ZCCHC8: variants seen among roughly 807,000 people sequenced by gnomAD.
The protein encoded by ZCCHC8 is zinc finger CCHC-type containing 8.
In ZCCHC8, 27 loss-of-function variants were observed where a neutral mutation model predicts 70.6. The ratio of observed to expected loss-of-function variants is 0.38; its 90% confidence interval spans 0.28 to 0.53. The LOEUF (loss-of-function observed/expected upper bound fraction) is 0.53, where lower values mean the gene tolerates loss of function less well. Ranked by LOEUF, ZCCHC8 falls within the 20% of genes least tolerant of loss-of-function variation. The pLI is 0.81. For synonymous variants in ZCCHC8, 293 were observed against 317.4 expected, an observed-to-expected ratio of 0.92 and a Z score of 0.82; for missense variants, 737 against 876.9, an observed-to-expected ratio of 0.84 and a Z score of 2.01.
intron 3 of ZCCHC8, chr12:122,491,969 C>T (rs1408380448): frequency 6.6e-6 from 1 of 152,178 alleles, no homozygotes; most frequent in Non-Finnish European, 1.5e-5. Flanking sequence ...GTGCCCAGCA[C>T]CTTGCTGCTG....
chr12:122,494,494 A>G (rs1446873646), intron 2 of ZCCHC8, among the ~76,000 whole-genome samples: 2 of 150,342 alleles, frequency 1.3e-5, no homozygotes. Flanking sequence ...CAGGAGGTGG[A>G]GGTTGCAGTG....
chr12:122,486,042 A>G (rs1026672395), intron 5 of ZCCHC8, among the ~76,000 whole-genome samples: 1 of 152,182 alleles, frequency 6.6e-6, no homozygotes. Flanking sequence ...GTTGAATACA[A>G]TAACTTCCTA....
intron 5 of ZCCHC8, among the ~76,000 whole-genome samples, chr12:122,489,076 C>G (rs1404527946): frequency 2.0e-5 from 3 of 152,314 alleles, no homozygotes; most frequent in East Asian, 3.9e-4. Flanking sequence ...CTATCCCTCT[C>G]AGCTTTAGCC....
intron 3 of ZCCHC8, among the ~76,000 whole-genome samples, chr12:122,492,412 C>T (rs1441607706): frequency 6.6e-6 from 1 of 152,142 alleles, no homozygotes; most frequent in Non-Finnish European, 1.5e-5. Context: ...CTTAGAGGTG[C>T]TCATGTAGCT....
At position 122,489,401 on chromosome 12, in the gene ZCCHC8, G is replaced by A; in HGVS notation, c.486C>T (p.Asn162=). Residue 162 remains asparagine, a synonymous_variant, in exon 5 of 14, where the codon AAC becomes AAT. Coordinates refer to ENST00000633063, the MANE Select transcript of ZCCHC8 (RefSeq NM_017612.5). The stretch of plus-strand genomic sequence containing the variant: ...CCAAACTTACACTGAAAGCTTCCTT[G>A]TTGTTTTTAATGGCACAGGACTCTT... ...KVEESCAIKN[N]KEAFSVVGSV... 6.2e-7 allele frequency: 1 copy of A among 1,613,570 alleles called. No homozygotes were observed. The highest frequency in any genetic ancestry group is 8.5e-7 in the Non-Finnish European group (1 of 1,179,686).
At chr12:122,481,309 C>T in intron 10 of ZCCHC8, 2 of 518,296 alleles carry the variant, frequency 3.9e-6, no homozygotes, top group Non-Finnish European at 3.2e-6. Context: ...CTAGACAGTA[C>T]CTGAGCAAGC....
chr12:122,484,637 C>T (rs368816204), intron 5 of ZCCHC8, among the ~76,000 whole-genome samples: 124 of 152,002 alleles, frequency 8.2e-4, no homozygotes, highest in African/African-American at 2.8e-3. Flanking sequence ...AAGCAATCCT[C>T]CCGCCTCAGC....
At chr12:122,489,237 T>C (rs2137354508) in intron 5 of ZCCHC8, 149 bp downstream of exon 5, 9 of 632,638 alleles carry the variant, frequency 1.4e-5, no homozygotes, top group Middle Eastern at 5.3e-4. Context: ...AAACTGAGGC[T>C]AAAGTCCAAA....
intron 5 of ZCCHC8, chr12:122,484,095 T>G (rs1957589580): frequency 6.5e-6 from 1 of 153,622 alleles, no homozygotes; most frequent in African/African-American, 2.4e-5. Context: ...CACACACACA[T>G]ACACTTTTTT....
In ZCCHC8 at chr12:122,477,890, C is replaced by T. The variant is rs1957451283; in HGVS notation, c.1296G>A (p.Lys432=). The change falls in exon 13 of 14, where the codon AAG becomes AAA. Residue 432 remains lysine, a synonymous_variant. Transcript: ENST00000633063. ...GAGATCCCGCTGAGTTGCTTTCATT[C>T]TTCTGCTTCTTTGGACTACCTGGGC... ...HSSPGSPKKQ[K]NESNSAGSPA... The T allele has an allele frequency of 6.2e-7, 1 of 1,613,124 alleles. No homozygotes were observed. Among genetic ancestry groups the T allele is most frequent in the Non-Finnish European group, 8.5e-7 (1 of 1,179,560 alleles).
At chr12:122,480,636 T>C (rs1411184172) in intron 10 of ZCCHC8, 1 of 171,920 alleles carries the variant, frequency 5.8e-6, no homozygotes, top group African/African-American at 2.4e-5. Context: ...CACACCAGGG[T>C]AGGCTGTGTA....
chr12:122,472,010 TTTTTAAC>T lies in ZCCHC8; in HGVS notation c.*1480_*1486del, dbSNP rs1241720743. The T allele has an allele frequency of 1.3e-5, 2 of 152,178 alleles. No homozygotes were observed. The highest frequency in any genetic ancestry group is 1.9e-4 in the East Asian group (1 of 5,202). The allele number at this position is 152,178 out of a possible 1,614,324, so 9.4% of individuals were successfully genotyped here. A position where few individuals can be genotyped will look rare whatever the true frequency, so the allele number is the denominator to read the frequency against. ...CAGTATGTTTATGTTTAATTTTTAA[TTTTTAAC>T]TATTAGGGTTCAAATCTAGAAAATT... On this transcript the variant is annotated 3_prime_UTR_variant, in exon 14 of 14. Transcript: ENST00000633063.
chr12:122,488,324 G>A (rs1036309902), intron 5 of ZCCHC8, among the ~76,000 whole-genome samples: 3 of 151,624 alleles, frequency 2.0e-5, no homozygotes, highest in Non-Finnish European at 4.4e-5. Flanking sequence ...GAGCCACTTC[G>A]CCCAGCCACA....
rs1957897785 is a variant in ZCCHC8, at chr12:122,500,164, C to T, written c.199+478G>A. On this transcript the variant is annotated intron_variant, in intron 1 of 13. Coordinates refer to ENST00000633063, the MANE Select transcript of ZCCHC8 (RefSeq NM_017612.5). This position sits in a 1 kb window ranked among gnomAD's most constrained non-coding sequence, Gnocchi z 4.8. ...TCAGCACACCCGGATTCCTTGAGGC[C>T]CCCAACTCTGCATTCTGGGACCACT... 3 of 159,436 alleles carry T rather than the reference C, an allele frequency of 1.9e-5. No homozygotes were observed. 9.9% of individuals were successfully genotyped at this position (159,436 alleles called of 1,614,324 possible).
chr12:122,477,585 C>A (rs1214924436), intron 13 of ZCCHC8, among the ~76,000 whole-genome samples: 1 of 148,296 alleles, frequency 6.7e-6, no homozygotes, highest in Non-Finnish European at 1.5e-5. Flanking sequence ...GAGTTCGAGA[C>A]CAGCCTGGTC....
intron 2 of ZCCHC8, among the ~76,000 whole-genome samples, chr12:122,498,578 G>A (rs1470152255): frequency 6.6e-6 from 1 of 152,120 alleles, no homozygotes; most frequent in Non-Finnish European, 1.5e-5. Context: ...TGAACATTAA[G>A]TAAACATTTT....
rs1324514070 is a variant in ZCCHC8, at chr12:122,473,590, A to G, written c.2031T>C (p.Asn677=). ...ATGITPFEFE[N]MAESTGMYLR... ...GGTACATTCCAGTAGATTCTGCCAT[A>G]TTCTCAAATTCAAATGGCGTGATTC... Residue 677 remains asparagine, a synonymous_variant, in exon 14 of 14, where the codon AAT becomes AAC. Coordinates refer to ENST00000633063, the MANE Select transcript of ZCCHC8 (RefSeq NM_017612.5). The G allele has an allele frequency of 6.2e-7, 1 of 1,613,968 alleles. No individual in the cohort carries two copies.
chr12:122,500,442 AG>A lies in ZCCHC8; in HGVS notation c.199+199del. 2 of 668,296 alleles carry A rather than the reference AG, an allele frequency of 3.0e-6. No individual in the cohort carries two copies. Among genetic ancestry groups the A allele is most frequent in the Non-Finnish European group, 4.9e-6 (2 of 406,426 alleles). The allele number at this position is 668,296 out of a possible 1,614,324, so 41.4% of individuals were successfully genotyped here. On this transcript the variant is annotated intron_variant, in intron 1 of 13. Transcript: ENST00000633063. This position sits in a 1 kb window ranked among gnomAD's most constrained non-coding sequence, Gnocchi z 4.8. The stretch of plus-strand genomic sequence containing the variant: ...AGGAGACGGCCTCCCTGAGGGGAAG[AG>A]GTCTGCGCCGAGGCAGCCTGCGCGC...
intron 13 of ZCCHC8, among the ~76,000 whole-genome samples, chr12:122,474,574 G>A (rs1375011360): frequency 6.6e-6 from 1 of 152,112 alleles, no homozygotes; most frequent in Non-Finnish European, 1.5e-5. Context: ...ATTGCATGGA[G>A]ACTTCAGAAT....
Sources: gnomAD v4.1 joint callset for allele counts (sites outside exome capture counted in the v4.1 genomes callset) on GRCh38, gnomAD v4.1.1 for gene constraint, Gnocchi (gnomAD v3.1) non-coding constraint, MANE v1.5 for transcripts, NCBI Gene and HGNC (gene_info 2026-07-23, HGNC 2026-07-21) for gene names.